IL1RAPL1: variants seen among roughly 807,000 people sequenced by gnomAD.
IL1RAPL1 encodes interleukin-1 receptor accessory protein-like 1.
IL1RAPL1 carries 3 observed loss-of-function variants against 48.4 expected under a neutral mutation model. The observed-to-expected ratio is 0.06, with a 90% confidence interval of 0.03 to 0.16. The LOEUF is 0.16. IL1RAPL1 is among the 10% of genes least tolerant of loss of function. IL1RAPL1 has a pLI of 1.00. For missense variants in IL1RAPL1, 349 were observed against 530.6 expected (o/e 0.66, Z 3.36); for synonymous variants, 185 against 187.7 (o/e 0.99, Z 0.12).
rs891808745 is a variant in IL1RAPL1 at position 29,956,237 on chromosome X, C to T, written c.*417C>T. On this transcript the variant is annotated 3_prime_UTR_variant, in exon 11 of 11. Transcript: ENST00000378993. ...AATCTATCCGATGGGACAAGGAGCA[C>T]CGGATTCTTTCTCGGGTTCTGCCTA... is the stretch of plus-strand genomic sequence containing the variant. 7.2e-5 allele frequency: 10 copies of T among 138,681 alleles called. No individual in the cohort carries two copies. Among genetic ancestry groups the T allele is most frequent in the Admixed American group, 3.4e-4 (4 of 11,783 alleles). 11.4% of individuals were successfully genotyped at this position (138,681 alleles called of 1,213,427 possible).
chrX:29,824,763 T>G (rs955168726), intron 6 of IL1RAPL1, among the ~76,000 whole-genome samples: 8 of 111,624 alleles, frequency 7.2e-5, no homozygotes, highest in African/African-American at 2.6e-4. Flanking sequence ...ATCACTTGTG[T>G]TTTTCCATCT....
At chrX:29,662,703 C>T (rs1314553955) in intron 5 of IL1RAPL1, among the ~76,000 whole-genome samples, 1 of 112,026 alleles carries the variant, frequency 8.9e-6, no homozygotes, top group Non-Finnish European at 1.9e-5. Flanking sequence ...AAATACATGT[C>T]TTTTGATGGA....
intron 2 of IL1RAPL1, among the ~76,000 whole-genome samples, chrX:29,087,146 T>G (rs1431389234): frequency 9.7e-6 from 1 of 102,830 alleles, no homozygotes; most frequent in Non-Finnish European, 2.0e-5. Flanking sequence ...TTTTTTTTTT[T>G]TTTTTTTTTT....
chrX:29,432,505 C>T (rs970648696), intron 5 of IL1RAPL1, among the ~76,000 whole-genome samples: 1 of 111,502 alleles, frequency 9.0e-6, no homozygotes, highest in Admixed American at 9.6e-5. Flanking sequence ...TTTCCACTAG[C>T]TCACCCCAAT....
At chrX:29,266,393 G>A (rs1361571870) in intron 2 of IL1RAPL1, among the ~76,000 whole-genome samples, 3 of 111,790 alleles carry the variant, frequency 2.7e-5, no homozygotes, top group Admixed American at 9.5e-5. Flanking sequence ...TCAATTGTGC[G>A]AGAAGGAGTC....
chrX:29,399,357 T>G, intron 5 of IL1RAPL1, 49 bp downstream of exon 5: 1 of 1,018,038 alleles, frequency 9.8e-7, no homozygotes, highest in Non-Finnish European at 1.4e-6. Flanking sequence ...AACTACTATT[T>G]TAAGTTAGTT....
intron 2 of IL1RAPL1, among the ~76,000 whole-genome samples, chrX:29,233,823 T>C (rs1427914988): frequency 8.9e-6 from 1 of 112,577 alleles, no homozygotes; most frequent in African/African-American, 3.2e-5. Flanking sequence ...TGAAAGCCCC[T>C]AAACTAGGAA....
At position 29,094,771 on chromosome X, in the gene IL1RAPL1, C is replaced by CAAAAAAAAAAA. The variant is rs1163805144; in HGVS notation, c.83-188147_83-188137dup. Among the ~76,000 whole-genome samples, 30 of 5,911 alleles carry CAAAAAAAAAAA rather than the reference C, an allele frequency of 5.1e-3. 6 individuals are homozygous for CAAAAAAAAAAA. The highest frequency in any genetic ancestry group is 0.032 in the East Asian group (3 of 93). The allele number at this position is 5,911 out of a possible 115,157, so 5.1% of individuals were successfully genotyped here. ...TGGTGACAAGAGTGAAACTCCATCT[C>CAAAAAAAAAAA]AAAAAAAAAAAAAAAAAAAAAAAAA... On this transcript the variant is annotated intron_variant, in intron 2 of 10. Coordinates refer to ENST00000378993, the MANE Select transcript of IL1RAPL1 (RefSeq NM_014271.4).
intron 2 of IL1RAPL1, among the ~76,000 whole-genome samples, chrX:28,793,476 A>G (rs1003358570): frequency 9.0e-6 from 1 of 111,254 alleles, no homozygotes; most frequent in African/African-American, 3.3e-5. Context: ...GTGTCTTGGT[A>G]GGACTTTTCA....
chrX:29,735,626 G>A (rs1212739915), intron 6 of IL1RAPL1, among the ~76,000 whole-genome samples: 13 of 111,749 alleles, frequency 1.2e-4, no homozygotes, highest in Admixed American at 8.6e-4. Flanking sequence ...CATTCTGTCC[G>A]GTGTGAGAGT....
chrX:29,911,048 T>C (rs1351081557), intron 6 of IL1RAPL1, among the ~76,000 whole-genome samples: 5 of 111,541 alleles, frequency 4.5e-5, no homozygotes, highest in African/African-American at 1.6e-4. Flanking sequence ...GAAAACATAA[T>C]GTCCACACAA....
intron 5 of IL1RAPL1, among the ~76,000 whole-genome samples, chrX:29,580,694 A>G (rs761664709): frequency 8.9e-6 from 1 of 111,799 alleles, no homozygotes; most frequent in Admixed American, 9.5e-5. Context: ...TAAACCCATC[A>G]TAGGTTTGAA....
intron 6 of IL1RAPL1, among the ~76,000 whole-genome samples, chrX:29,863,006 A>G (rs1384211447): frequency 9.2e-6 from 1 of 108,441 alleles, no homozygotes; most frequent in Non-Finnish European, 1.9e-5. Flanking sequence ...AGAAAAAAAT[A>G]GTAGAGACAT....
chrX:28,846,007 G>A (rs930740883), intron 2 of IL1RAPL1, among the ~76,000 whole-genome samples: 1 of 111,483 alleles, frequency 9.0e-6, no homozygotes, highest in Non-Finnish European at 1.9e-5. Flanking sequence ...TATGCTTTGG[G>A]ACAAATGCAT....
intron 2 of IL1RAPL1, among the ~76,000 whole-genome samples, chrX:28,872,847 G>A (rs770642515): frequency 8.9e-6 from 1 of 112,131 alleles, no homozygotes; most frequent in African/African-American, 3.2e-5. Context: ...GATAATAAAA[G>A]TCTGTACAGT....
At chrX:29,205,237 T>G (rs1819442126) in intron 2 of IL1RAPL1, among the ~76,000 whole-genome samples, 1 of 111,851 alleles carries the variant, frequency 8.9e-6, no homozygotes, top group Admixed American at 9.5e-5. Context: ...CCCTTCACCT[T>G]AGGAAAATTG....
chrX:29,885,011 A>C (rs1318599544), intron 6 of IL1RAPL1, among the ~76,000 whole-genome samples: 1 of 108,688 alleles, frequency 9.2e-6, no homozygotes, highest in African/African-American at 3.5e-5. Context: ...ACAATGATCT[A>C]CAAGGCCCAA....
chrX:29,941,901 C>T (rs775013108), intron 9 of IL1RAPL1, 107 bp downstream of exon 9: 19 of 691,670 alleles, frequency 2.7e-5, no homozygotes, highest in Middle Eastern at 9.3e-4. Context: ...GGCAGCAGCT[C>T]GTATATTCTT....
chrX:29,047,514 C>T (rs1001545297), intron 2 of IL1RAPL1, among the ~76,000 whole-genome samples: 2 of 111,954 alleles, frequency 1.8e-5, no homozygotes, highest in Non-Finnish European at 3.8e-5. Flanking sequence ...TTGAGAATTA[C>T]AGATACATTT....
Sources: allele counts gnomAD v4.1 joint callset (sites outside exome capture counted in the v4.1 genomes callset), GRCh38; gene constraint gnomAD v4.1.1; transcripts MANE v1.5; gene names NCBI Gene and HGNC (gene_info 2026-07-23, HGNC 2026-07-21).